Variants in KLHL22 observed in about 807,000 individuals in gnomAD.
KLHL22 encodes the protein kelch-like protein 22.
KLHL22 carries 18 observed loss-of-function variants against 60.7 expected under a neutral mutation model. The ratio of observed to expected loss-of-function variants is 0.30; its 90% CI spans 0.20 to 0.44. The LOEUF (loss-of-function observed/expected upper bound fraction) is 0.44, where lower values mean the gene tolerates loss of function less well. Among genes scored for constraint, KLHL22 ranks in the 20% least tolerant of loss-of-function variants. KLHL22 has a pLI of 1.00. For missense variants in KLHL22, 596 were observed against 852.3 expected (o/e 0.70, Z 3.74); for synonymous variants, 355 against 354.5 (o/e 1.00, Z -0.01).
chr22:20,494,923 C>A (rs902942917), intron 1 of KLHL22, among the ~76,000 whole-genome samples: 3 of 152,206 alleles, frequency 2.0e-5, no homozygotes, highest in Non-Finnish European at 2.9e-5. Flanking sequence ...CGAGCAGTAT[C>A]CCCTCAAAGA....
intron 2 of KLHL22, among the ~76,000 whole-genome samples, chr22:20,478,293 G>C (rs5749659): frequency 0.36 from 53,597 of 149,332 alleles, 9,748 homozygotes; most frequent in East Asian, 0.47. Flanking sequence ...ACAACCTCCA[G>C]CTCCCAGGTT....
chr22:20,493,248 A>G (rs1308583304), intron 1 of KLHL22: 2 of 470,988 alleles, frequency 4.2e-6, no homozygotes, highest in African/African-American at 4.0e-5. Context: ...AAACAGAAAG[A>G]CATCTTCCAT....
chr22:20,465,290 A>G lies in KLHL22; in HGVS notation c.680T>C (p.Val227Ala), dbSNP rs184988391. The change falls in exon 4 of 7, where the codon GTG becomes GCG. Residue 227 changes from valine (V) to alanine (A), a missense_variant. Coordinates refer to ENST00000328879, the MANE Select transcript of KLHL22 (RefSeq NM_032775.4). The surrounding 1 kb of genome is among the most constrained non-coding windows in gnomAD (Gnocchi z 4.9). ...GTGCAGCGAGATCTGGTCAGCCTGC[A>G]CCTGCTCCAGGCTATAATGGTAGAG... is the stretch of plus-strand genomic sequence containing the variant. ...ALLYHYSLEQ[V>A]QADQISLHEP... The G allele has an allele frequency of 6.2e-7, 1 of 1,614,020 alleles. No homozygotes were observed. Among genetic ancestry groups the G allele is most frequent in the East Asian group, 2.2e-5 (1 of 44,862 alleles).
chr22:20,493,080 G>A, intron 1 of KLHL22: 1 of 462,192 alleles, frequency 2.2e-6, no homozygotes. Context: ...AGTCAAGAGG[G>A]CCTCCTTCTC....
At chr22:20,466,151 G>A (rs1308008235) in intron 3 of KLHL22, among the ~76,000 whole-genome samples, 2 of 151,984 alleles carry the variant, frequency 1.3e-5, no homozygotes, top group African/African-American at 2.4e-5. Context: ...CAAGGTGGGT[G>A]TATCACGAGG....
At chr22:20,464,459 G>A (rs1213158296) in intron 4 of KLHL22, among the ~76,000 whole-genome samples, 1 of 152,208 alleles carries the variant, frequency 6.6e-6, no homozygotes, top group East Asian at 1.9e-4. Flanking sequence ...TCAAAGCTCA[G>A]AGAGAGCATG....
chr22:20,451,805 G>C, intron 5 of KLHL22: 1 of 1,603,898 alleles, frequency 6.2e-7, no homozygotes, highest in South Asian at 1.1e-5. Context: ...GCTGGTGTGT[G>C]TGTTCTCCAC....
intron 5 of KLHL22, chr22:20,450,496 G>C (rs764507894): frequency 2.3e-5 from 37 of 1,613,996 alleles, no homozygotes; most frequent in Non-Finnish European, 2.9e-5. Flanking sequence ...TGAGTTCTTA[G>C]AAAGTCAGTT....
intron 2 of KLHL22, among the ~76,000 whole-genome samples, chr22:20,488,364 C>A (rs909417257): frequency 1.3e-5 from 2 of 152,144 alleles, no homozygotes; most frequent in African/African-American, 4.8e-5. Context: ...GACAACAGGG[C>A]AAATGGTGTA....
intron 2 of KLHL22, among the ~76,000 whole-genome samples, chr22:20,474,224 C>T (rs1198454680): frequency 6.6e-6 from 1 of 152,230 alleles, no homozygotes; most frequent in East Asian, 1.9e-4. Context: ...TGGTCTTGAT[C>T]TCCTGACCTC....
At chr22:20,459,706 C>T (rs560563957) in intron 4 of KLHL22, among the ~76,000 whole-genome samples, 16 of 152,304 alleles carry the variant, frequency 1.1e-4, no homozygotes, top group Non-Finnish European at 2.2e-4. Flanking sequence ...AGTAAGATTA[C>T]CAGCAATGAA....
At chr22:20,446,360 A>G (rs2052860499) in intron 6 of KLHL22, 83 bp downstream of exon 6, 4 of 843,026 alleles carry the variant, frequency 4.7e-6, no homozygotes, top group Non-Finnish European at 7.8e-6. Flanking sequence ...TAAAAGGCAC[A>G]TGATTCAATT....
At chr22:20,456,677 C>T (rs929437841) in intron 5 of KLHL22, among the ~76,000 whole-genome samples, 3 of 152,252 alleles carry the variant, frequency 2.0e-5, no homozygotes, top group Non-Finnish European at 2.9e-5. Flanking sequence ...CCCAAAGAAG[C>T]TGAGAGCAAG....
At chr22:20,480,637 G>A (rs1464331198) in intron 2 of KLHL22, among the ~76,000 whole-genome samples, 2 of 152,092 alleles carry the variant, frequency 1.3e-5, no homozygotes, top group African/African-American at 4.8e-5. Context: ...GTTCCAACGT[G>A]AGAAATACTG....
Position 20,465,264 on chromosome 22 carries a change from C to G in KLHL22, c.706G>C (p.Glu236Gln), listed in dbSNP as rs761638825. The part of the protein sequence containing the change: ...QVQADQISLH[E>Q]PPKLLETVRF... The stretch of plus-strand genomic sequence containing the variant: ...ACTGTCTCAAGGAGCTTTGGGGGCT[C>G]GTGCAGCGAGATCTGGTCAGCCTGC... Residue 236 changes from glutamate (E) to glutamine (Q), a missense_variant, in exon 4 of 7, where the codon GAG becomes CAG. Coordinates refer to ENST00000328879, the MANE Select transcript of KLHL22 (RefSeq NM_032775.4). This position sits in a 1 kb window ranked among gnomAD's most constrained non-coding sequence, Gnocchi z 4.9. 1 of 1,613,918 alleles carries G rather than the reference C, an allele frequency of 6.2e-7. No individual in the cohort carries two copies.
At chr22:20,460,974 T>C (rs531825349) in intron 4 of KLHL22, among the ~76,000 whole-genome samples, 1 of 152,354 alleles carries the variant, frequency 6.6e-6, no homozygotes, top group Non-Finnish European at 1.5e-5. Context: ...AGCCCCATGA[T>C]GGGCTTAGTG....
chr22:20,471,611 G>T, intron 2 of KLHL22, 96 bp from the exon 3 acceptor site: 1 of 1,348,932 alleles, frequency 7.4e-7, no homozygotes, highest in Non-Finnish European at 1.0e-6. Flanking sequence ...ACCTGGCGCT[G>T]GTGGCAGGGC....
intron 2 of KLHL22, among the ~76,000 whole-genome samples, chr22:20,485,836 T>A (rs165719): frequency 0.99 from 150,548 of 151,658 alleles, 74,735 homozygotes; most frequent in Non-Finnish European, 1. Flanking sequence ...CCACTGCACT[T>A]CAGCCTGGGG....
At chr22:20,470,470 C>G (rs1264620548) in intron 3 of KLHL22, among the ~76,000 whole-genome samples, 1 of 152,066 alleles carries the variant, frequency 6.6e-6, no homozygotes, top group South Asian at 2.1e-4. Context: ...ACAAAGCAAG[C>G]CTCTATCTCT....
Sources: allele counts gnomAD v4.1 joint callset (sites outside exome capture counted in the v4.1 genomes callset), GRCh38; gene constraint gnomAD v4.1.1; non-coding constraint Gnocchi (gnomAD v3.1); transcripts MANE v1.5; gene names NCBI Gene and HGNC (gene_info 2026-07-23, HGNC 2026-07-21).